The following TRIO variants were observed in gnomAD, a reference collection of about 807,000 sequenced individuals.
TRIO encodes triple functional domain protein.
Under a neutral mutation model 351.9 loss-of-function variants are expected in TRIO, and 58 were observed. The observed-to-expected ratio is 0.16, with a 90% CI of 0.13 to 0.21. The LOEUF (loss-of-function observed/expected upper bound fraction) is 0.21. TRIO is among the 10% of genes least tolerant of loss of function. The probability of loss-of-function intolerance (pLI) is 1.00; values close to 1 mark genes in which losing one functional copy is unlikely to be tolerated. For synonymous variants in TRIO, 1,758 were observed against 1,595.7 expected (o/e 1.10, Z -2.42); for missense variants, 3,201 against 4,027.8 (o/e 0.79, Z 5.56).
At chr5:14,495,654 A>C (rs1756827671) in intron 49 of TRIO, among the ~76,000 whole-genome samples, 1 of 102,200 alleles carries the variant, frequency 9.8e-6, no homozygotes, top group South Asian at 3.5e-4. Flanking sequence ...CCCCGTCTCT[A>C]CTAGAAAAAA....
chr5:14,354,878 T>C (rs531043697), intron 11 of TRIO, among the ~76,000 whole-genome samples: 25 of 152,026 alleles, frequency 1.6e-4, no homozygotes, highest in Admixed American at 1.4e-3. Flanking sequence ...GTGACAAGGG[T>C]GAGGGCAGCT....
At chr5:14,380,308 GC>G in intron 20 of TRIO, among the ~76,000 whole-genome samples, 1 of 147,782 alleles carries the variant, frequency 6.8e-6, no homozygotes, top group African/African-American at 2.6e-5. Flanking sequence ...TTCGCGCCCC[GC>G]CTCCTCCTTC....
intron 13 of TRIO, among the ~76,000 whole-genome samples, chr5:14,362,136 A>G (rs1744203143): frequency 6.6e-6 from 1 of 152,182 alleles, no homozygotes; most frequent in African/African-American, 2.4e-5. Context: ...ATGTCTTCAA[A>G]GCTATACCGA....
chr5:14,477,473 C>T (rs187581226), intron 41 of TRIO: 2 of 152,404 alleles, frequency 1.3e-5, no homozygotes, highest in African/African-American at 4.8e-5. Flanking sequence ...TCTGCTTCTG[C>T]ATCCAACTCA....
At chr5:14,469,002 C>T (rs1012871363) in intron 37 of TRIO, among the ~76,000 whole-genome samples, 13 of 152,280 alleles carry the variant, frequency 8.5e-5, no homozygotes, top group African/African-American at 2.9e-4. Flanking sequence ...TGCATGTCGG[C>T]AATAGAGTAA....
chr5:14,155,764 GAT>G, intron 1 of TRIO, among the ~76,000 whole-genome samples: 1 of 152,296 alleles, frequency 6.6e-6, no homozygotes, highest in African/African-American at 2.4e-5. Flanking sequence ...TGAGCACTTT[GAT>G]CACTTGGTTC....
intron 1 of TRIO, among the ~76,000 whole-genome samples, chr5:14,204,469 G>A (rs2152179428): frequency 6.6e-6 from 1 of 152,252 alleles, no homozygotes; most frequent in South Asian, 2.1e-4. Context: ...CAAGGTCCTG[G>A]CACCCATGGT....
At chr5:14,155,375 A>G (rs1788045530) in intron 1 of TRIO, among the ~76,000 whole-genome samples, 1 of 152,212 alleles carries the variant, frequency 6.6e-6, no homozygotes, top group Non-Finnish European at 1.5e-5. Flanking sequence ...TTACATAGTG[A>G]TCATAATCAG....
At chr5:14,457,882 C>T (rs547743386) in intron 34 of TRIO, among the ~76,000 whole-genome samples, 122 of 152,274 alleles carry the variant, frequency 8.0e-4, no homozygotes, top group Non-Finnish European at 1.4e-3. Context: ...CATACCACTC[C>T]TATGCCAACT....
intron 36 of TRIO, among the ~76,000 whole-genome samples, chr5:14,464,698 C>G (rs536247058): frequency 2.0e-5 from 3 of 152,348 alleles, no homozygotes; most frequent in African/African-American, 7.2e-5. Context: ...CTGTATCTGT[C>G]TGCTGTGAGA....
At chr5:14,499,828 G>T (rs1195588586) in intron 53 of TRIO, among the ~76,000 whole-genome samples, 1 of 151,934 alleles carries the variant, frequency 6.6e-6, no homozygotes, top group Admixed American at 6.6e-5. Context: ...GAGGTGGGTG[G>T]ATCACCAGGT....
chr5:14,366,220 A>G lies in TRIO; in HGVS notation c.2755-640A>G, dbSNP rs116311885. 9.0e-3 allele frequency among the ~76,000 whole-genome samples: 1,369 copies of G among 152,214 alleles called. 20 individuals are homozygous for G. Among genetic ancestry groups the G allele is most frequent in the African/African-American group, 0.032 (1,311 of 41,558 alleles). Reference sequence around the variant, plus strand: ...TCTGTGCTAAGTAAACGAGAGGGCAATAGGTATTATATAGGTTACTTGAGG... The same window carrying G: ...TCTGTGCTAAGTAAACGAGAGGGCAGTAGGTATTATATAGGTTACTTGAGG... On this transcript the variant is annotated intron_variant, in intron 15 of 56. Coordinates refer to ENST00000344204, the MANE Select transcript of TRIO (RefSeq NM_007118.4).
At chr5:14,326,624 C>A (rs1271506537) in intron 9 of TRIO, among the ~76,000 whole-genome samples, 2 of 152,194 alleles carry the variant, frequency 1.3e-5, no homozygotes, top group African/African-American at 4.8e-5. Context: ...AGGGAAGCAG[C>A]AAGCCCCAGG....
At chr5:14,459,612 C>T (rs1356856661) in intron 34 of TRIO, among the ~76,000 whole-genome samples, 5 of 152,068 alleles carry the variant, frequency 3.3e-5, no homozygotes, top group East Asian at 1.9e-4. Context: ...TGGTGGCAGT[C>T]GTCTGTAGTT....
chr5:14,230,340 T>TG (rs1793327649), intron 1 of TRIO, among the ~76,000 whole-genome samples: 14 of 149,128 alleles, frequency 9.4e-5, no homozygotes, highest in African/African-American at 3.5e-4. Context: ...GGCAAGATGT[T>TG]TGTGTGTGTG....
At position 14,374,360 on chromosome 5, in the gene TRIO, G is replaced by A. The variant is rs916596043; in HGVS notation, c.3331+17G>A. The A allele has an allele frequency of 3.7e-6, 6 of 1,603,646 alleles. No homozygotes were observed. Among genetic ancestry groups the A allele is most frequent in the African/African-American group, 1.3e-5 (1 of 74,750 alleles). ...AAGTGAAAAGTGAGTAGAGCTGGGA[G>A]TCTCCAGGGGTGGCCCAGTGCATGC... On this transcript the variant is annotated intron_variant, in intron 19 of 56. Transcript: ENST00000344204.
chr5:14,178,784 C>G (rs1789563496), intron 1 of TRIO, among the ~76,000 whole-genome samples: 1 of 152,158 alleles, frequency 6.6e-6, no homozygotes, highest in African/African-American at 2.4e-5. Context: ...AAGGCATGGA[C>G]AGTTGGCCAA....
intron 56 of TRIO, 135 bp downstream of exon 56, chr5:14,507,395 G>C (rs1244828482): frequency 1.6e-6 from 2 of 1,243,668 alleles, no homozygotes; most frequent in Non-Finnish European, 1.1e-6. Context: ...GGGCAGCGCA[G>C]ACACTGATTG....
At position 14,176,271 on chromosome 5, in the gene TRIO, A is replaced by T. The variant is rs970270414; in HGVS notation, c.157+32389A>T. 2.0e-5 allele frequency among the ~76,000 whole-genome samples: 3 copies of T among 152,120 alleles called. No homozygotes were observed. The East Asian group carries it at 5.8e-4, about 29-fold the overall frequency. Reference sequence around the variant, plus strand: ...CGGATCACGAGGTCAGGAGATCGAGATCATCCTGGCTAACACGGTGAAACC... The same window carrying T: ...CGGATCACGAGGTCAGGAGATCGAGTTCATCCTGGCTAACACGGTGAAACC... On this transcript the variant is annotated intron_variant, in intron 1 of 56. Coordinates refer to ENST00000344204, the MANE Select transcript of TRIO (RefSeq NM_007118.4).
Sources: gnomAD v4.1 joint callset for allele counts (sites outside exome capture counted in the v4.1 genomes callset) on GRCh38, gnomAD v4.1.1 for gene constraint, MANE v1.5 for transcripts, NCBI Gene and HGNC (gene_info 2026-07-23, HGNC 2026-07-21) for gene names.